Variants in OXLD1 observed in about 807,000 individuals in gnomAD.
OXLD1 encodes the protein oxidoreductase-like domain-containing protein 1.
A neutral mutation model predicts 3.1 loss-of-function variants in OXLD1; 4 were observed. That is an observed-to-expected ratio of 1.28 (90% CI 0.63 to 2.92). The LOEUF (loss-of-function observed/expected upper bound fraction) is 2.92. Among genes scored for constraint, OXLD1 ranks in the 30% most tolerant of loss-of-function variants. The pLI is 0.01. For missense variants in OXLD1, 240 were observed against 204.6 expected (o/e 1.17, Z -1.05); for synonymous variants, 100 against 87.0 (o/e 1.15, Z -0.83).
chr17:81,665,667 C>A lies in OXLD1; in HGVS notation c.61-83G>T, dbSNP rs903366234. On this transcript the variant is annotated intron_variant, in intron 1 of 1. Transcript: ENST00000374741. ...CCAGCAGTGAGGACATTTCAGCTCT[C>A]CTGTCATTGGGCAACTGGCTCCATG... is the stretch of plus-strand genomic sequence containing the variant. 9.6e-6 allele frequency: 14 copies of A among 1,464,152 alleles called. No homozygotes were observed. In the African/African-American group the frequency reaches 1.8e-4, roughly 19 times the overall value. The allele number at this position is 1,464,152 out of a possible 1,614,324, so 90.7% of individuals were successfully genotyped here. A position where few individuals can be genotyped will look rare whatever the true frequency, so the allele number is the denominator to read the frequency against.
intron 1 of OXLD1, chr17:81,665,921 G>A: frequency 2.5e-6 from 1 of 402,528 alleles, no homozygotes; most frequent in South Asian, 4.7e-5. Context: ...TATGCGAGAG[G>A]TGTAACCCTG....
intron 1 of OXLD1, 168 bp downstream of exon 1, chr17:81,666,350 G>C: frequency 1.4e-6 from 1 of 724,754 alleles, no homozygotes; most frequent in Non-Finnish European, 2.1e-6. Flanking sequence ...AGAGCCGATG[G>C]AGGAGAGGAG....
chr17:81,665,832 G>T, intron 1 of OXLD1: 1 of 540,472 alleles, frequency 1.9e-6, no homozygotes, highest in Non-Finnish European at 3.2e-6. Flanking sequence ...CTGGCGCCGG[G>T]TGTGCACTCA....
chr17:81,666,380 G>A, intron 1 of OXLD1, 138 bp downstream of exon 1: 1 of 1,031,132 alleles, frequency 9.7e-7, no homozygotes, highest in Non-Finnish European at 1.4e-6. Context: ...CTTCGGCGGC[G>A]GCCAGCGCGC....
At position 81,665,143 on chromosome 17, in the gene OXLD1, G is replaced by A; in HGVS notation, c.*58C>T. On this transcript the variant is annotated 3_prime_UTR_variant, in exon 2 of 2. Coordinates refer to ENST00000374741, the MANE Select transcript of OXLD1 (RefSeq NM_001039842.3). The stretch of plus-strand genomic sequence containing the variant: ...GAGTCTGTGAGGGGGTGTGAAGGAA[G>A]GAGGCTGCGGCTGCGTCCTGGACTC... 1.3e-6 allele frequency: 2 copies of A among 1,527,312 alleles called. No individual in the cohort carries two copies. The highest frequency in any genetic ancestry group is 2.6e-5 in the South Asian group (2 of 78,390). The allele number at this position is 1,527,312 out of a possible 1,614,324, so 94.6% of individuals were successfully genotyped here. A position where few individuals can be genotyped will look rare whatever the true frequency, so the allele number is the denominator to read the frequency against.
Position 81,665,348 on chromosome 17 carries a change from C to A in OXLD1, c.297G>T (p.Val99=), listed in dbSNP as rs1436237790. The A allele has an allele frequency of 6.2e-7, 1 of 1,613,540 alleles. No homozygotes were observed. The highest frequency in any genetic ancestry group is 1.3e-5 in the African/African-American group (1 of 75,068). Residue 99 remains valine (V), a synonymous_variant, in exon 2 of 2, where the codon GTG becomes GTT. Coordinates refer to ENST00000374741, the MANE Select transcript of OXLD1 (RefSeq NM_001039842.3). ...NCCMSGCPNC[V]WVEYADRLLQ... ...GCAGCCTGTCCGCGTACTCCACCCA[C>A]ACGCAGTTGGGGCAGCCACTCATGC...
intron 1 of OXLD1, chr17:81,666,187 G>A (rs2036612066): frequency 2.2e-6 from 1 of 444,520 alleles, no homozygotes; most frequent in Non-Finnish European, 4.0e-6. Flanking sequence ...GGCATCATCC[G>A]CTCCATGTCC....
At position 81,665,278 on chromosome 17, in the gene OXLD1, C is replaced by G. The variant is rs147105203; in HGVS notation, c.367G>C (p.Glu123Gln). 6.2e-7 allele frequency: 1 copy of G among 1,613,586 alleles called. No homozygotes were observed. The highest frequency in any genetic ancestry group is 1.1e-5 in the South Asian group (1 of 91,082). ...AGGTTCTCATCAGCCACGTGCTCCT[C>G]CAGGGCAGCCAGGGCCCGCTCCCCA... is the stretch of plus-strand genomic sequence containing the variant. ...DGGERALAALEEHVADENLKA... is the reference protein window; with the variant it reads ...DGGERALAALQEHVADENLKA... The change falls in exon 2 of 2, where the codon GAG becomes CAG. Residue 123 changes from glutamate to glutamine, a missense_variant. Physicochemically the swap from Glu to Gln is conservative, Grantham distance 29. Transcript: ENST00000374741.
Position 81,665,305 on chromosome 17 carries a change from C to T in OXLD1, c.340G>A (p.Gly114Ser), listed in dbSNP as rs766755979. ...ADRLLQHFQD[G>S]GERALAALEE... ...AGGGCAGCCAGGGCCCGCTCCCCAC[C>T]GTCCTGGAAGTGCTGCAGCAGCCTG... Residue 114 changes from glycine to serine, a missense_variant, in exon 2 of 2, where the codon GGT becomes AGT. Physicochemically the swap from Gly to Ser is moderately conservative, Grantham distance 56 (BLOSUM62 0). Transcript: ENST00000374741. 15 of 1,613,444 alleles carry T rather than the reference C, an allele frequency of 9.3e-6. No individual in the cohort carries two copies. Among genetic ancestry groups the T allele is most frequent in the South Asian group, 2.2e-5 (2 of 91,086 alleles).
Position 81,665,334 on chromosome 17 carries a change from G to A in OXLD1, c.311C>T (p.Ala104Val), listed in dbSNP as rs771672188. The change falls in exon 2 of 2, where the codon GCG (alanine) becomes GTG (valine). Residue 104 changes from alanine to valine, a missense_variant. Physicochemically the swap from Ala to Val is moderately conservative, Grantham distance 64 (BLOSUM62 0). Transcript: ENST00000374741. ...CTGGAAGTGCTGCAGCAGCCTGTCCGCGTACTCCACCCACACGCAGTTGGG... is the reference window on the plus strand; with the variant it reads ...CTGGAAGTGCTGCAGCAGCCTGTCCACGTACTCCACCCACACGCAGTTGGG... ...GCPNCVWVEY[A>V]DRLLQHFQDG... The A allele has an allele frequency of 5.6e-6, 9 of 1,613,330 alleles. No homozygotes were observed. Among genetic ancestry groups the A allele is most frequent in the Non-Finnish European group, 7.6e-6 (9 of 1,180,022 alleles).
chr17:81,666,277 C>T, intron 1 of OXLD1: 2 of 491,672 alleles, frequency 4.1e-6, no homozygotes, highest in Non-Finnish European at 7.2e-6. Flanking sequence ...GGCCGTTCAC[C>T]GGGCTGCTTC....
chr17:81,665,641 C>A, intron 1 of OXLD1, 57 bp from the exon 2 acceptor site: 1 of 1,509,208 alleles, frequency 6.6e-7, no homozygotes, highest in East Asian at 2.3e-5. Context: ...CCGGTCTACC[C>A]CCAGCAGTGA....
At chr17:81,666,382 C>T (rs2036619951) in intron 1 of OXLD1, 136 bp downstream of exon 1, 3 of 1,077,580 alleles carry the variant, frequency 2.8e-6, no homozygotes, top group Non-Finnish European at 3.9e-6. Flanking sequence ...TCGGCGGCGG[C>T]CAGCGCGCGA....
At chr17:81,665,690 A>C in intron 1 of OXLD1, 106 bp from the exon 2 acceptor site, 27 of 1,318,914 alleles carry the variant, frequency 2.0e-5, no homozygotes, top group South Asian at 3.0e-5. Flanking sequence ...AACTGGCTCC[A>C]TGTCCTCAGC....
Position 81,666,542 on chromosome 17 carries a change from C to A in OXLD1, c.36G>T (p.Ala12=). Residue 12 remains alanine, a synonymous_variant, in exon 1 of 2, where the codon GCG becomes GCT. Coordinates refer to ENST00000374741, the MANE Select transcript of OXLD1 (RefSeq NM_001039842.3). The stretch of plus-strand genomic sequence containing the variant: ...CCGAGCCACGGACCGCGGCGGCTAC[C>A]GCCCGGCCTCCCTCGACCACCCTCC... ...LLRRVVEGGR[A]VAAAVRGSGA... 6.6e-7 allele frequency: 1 copy of A among 1,519,524 alleles called. No homozygotes were observed. Among genetic ancestry groups the A allele is most frequent in the Non-Finnish European group, 8.8e-7 (1 of 1,142,074 alleles). 94.1% of individuals were successfully genotyped at this position (1,519,524 alleles called of 1,614,324 possible).
chr17:81,665,176 C>A lies in OXLD1; in HGVS notation c.*25G>T, dbSNP rs569616173. 1.6e-5 allele frequency: 25 copies of A among 1,585,536 alleles called. No individual in the cohort carries two copies. Among genetic ancestry groups the A allele is most frequent in the Non-Finnish European group, 1.9e-5 (22 of 1,163,878 alleles). ...CGGCTGCGTCCTGGACTCCGTCCTG[C>A]GGTAGGGAGTCCAGCAGGGATGGCT... On this transcript the variant is annotated 3_prime_UTR_variant, in exon 2 of 2. Coordinates refer to ENST00000374741, the MANE Select transcript of OXLD1 (RefSeq NM_001039842.3).
Position 81,665,566 on chromosome 17 carries a change from T to A in OXLD1, c.79A>T (p.Ser27Cys). The change falls in exon 2 of 2, where the codon AGC becomes TGC. Residue 27 changes from serine (S) to cysteine (C), a missense_variant. Coordinates refer to ENST00000374741, the MANE Select transcript of OXLD1 (RefSeq NM_001039842.3). ...GGAAGCCTCTGGCAGCAGTCCGGGC[T>A]GGAGAACCGGCGAGCCCCCTGAGGA... The part of the protein sequence containing the change: ...VRGSGARRFS[S>C]PDCCQRLPGG... 6.3e-7 allele frequency: 1 copy of A among 1,593,854 alleles called. No individual in the cohort carries two copies. Among genetic ancestry groups the A allele is most frequent in the East Asian group, 2.2e-5 (1 of 44,524 alleles).
intron 1 of OXLD1, 79 bp from the exon 2 acceptor site, chr17:81,665,663 C>T (rs571843797): frequency 1.1e-4 from 156 of 1,476,660 alleles, no homozygotes; most frequent in Middle Eastern, 2.0e-4. Flanking sequence ...GACATTTCAG[C>T]TCTCCTGTCA....
rs779309581 is a variant in OXLD1, at chr17:81,665,242, G to A, written c.403C>T (p.Leu135Phe). ...GTGTGCAGCCGGATCTCCATCCTGA[G>A]GAAGGCCTTGAGGTTCTCATCAGCC... is the stretch of plus-strand genomic sequence containing the variant. Reference protein sequence around the residue: ...HVADENLKAFLRMEIRLHTRC... With the variant: ...HVADENLKAFFRMEIRLHTRC... The change falls in exon 2 of 2, where the codon CTC (leucine) becomes TTC (phenylalanine). Residue 135 changes from leucine (L) to phenylalanine (F), a missense_variant. By Grantham distance (22) the Leu-to-Phe change is conservative (BLOSUM62 0). Coordinates refer to ENST00000374741, the MANE Select transcript of OXLD1 (RefSeq NM_001039842.3). The A allele has an allele frequency of 6.2e-7, 1 of 1,613,342 alleles. No individual in the cohort carries two copies. The highest frequency in any genetic ancestry group is 2.2e-5 in the East Asian group (1 of 44,874).
Sources: allele counts gnomAD v4.1 joint callset, GRCh38; gene constraint gnomAD v4.1.1; transcripts MANE v1.5; gene names NCBI Gene and HGNC (gene_info 2026-07-23, HGNC 2026-07-21).